UPF2: variants seen among roughly 807,000 people sequenced by gnomAD.
The protein encoded by UPF2 is regulator of nonsense transcripts 2.
UPF2 carries 17 observed loss-of-function variants against 141.4 expected under a neutral mutation model. The observed-to-expected ratio is 0.12, with a 90% CI of 0.08 to 0.18. The LOEUF (loss-of-function observed/expected upper bound fraction) is 0.18. Ranked by LOEUF, UPF2 falls within the 10% of genes least tolerant of loss-of-function variation. The pLI is 1.00. For missense variants in UPF2, 1,152 were observed against 1,515.9 expected (o/e 0.76, Z 3.99); for synonymous variants, 540 against 498.0 (o/e 1.08, Z -1.12).
chr10:11,958,541 C>T (rs1833190855), intron 12 of UPF2, among the ~76,000 whole-genome samples: 1 of 152,206 alleles, frequency 6.6e-6, no homozygotes, highest in Non-Finnish European at 1.5e-5. Context: ...CAACATCATT[C>T]CTTATCACCT....
rs535283138 is a variant in UPF2, at chr10:11,921,579, T to C, written c.3810-272A>G. Among the ~76,000 whole-genome samples the C allele has an allele frequency of 7.2e-4, 109 of 152,366 alleles. No individual in the cohort carries two copies. The highest frequency in any genetic ancestry group is 2.3e-3 in the African/African-American group (94 of 41,588). ...TTAGGTATTACAAGTAATGTAGAGA[T>C]GATGTAAAGTACACGGGAGGATGTG... On this transcript the variant is annotated intron_variant, in intron 21 of 21. Transcript: ENST00000357604. The surrounding 1 kb of genome is among the most constrained non-coding windows in gnomAD (Gnocchi z 5.9).
chr10:12,001,619 A>C, intron 6 of UPF2, 57 bp downstream of exon 6: 6 of 1,453,570 alleles, frequency 4.1e-6, no homozygotes, highest in Non-Finnish European at 4.6e-6. Context: ...ATTCTTAGGC[A>C]AGAGCTCTGT....
Position 12,016,740 on chromosome 10 carries a change from G to C in UPF2, c.1146-2556C>G, listed in dbSNP as rs1484327743. ...GTTACTTAAAAATATCTGCAATGTAGGGCCGGGCACGGTGGTTCACGCCTA... is the reference window on the plus strand; with the variant it reads ...GTTACTTAAAAATATCTGCAATGTACGGCCGGGCACGGTGGTTCACGCCTA... On this transcript the variant is annotated intron_variant, in intron 3 of 21. Coordinates refer to ENST00000357604, the MANE Select transcript of UPF2 (RefSeq NM_015542.4). The surrounding 1 kb of genome is among the most constrained non-coding windows in gnomAD (Gnocchi z 4.1). Among the ~76,000 whole-genome samples the C allele has an allele frequency of 6.8e-6, 1 of 147,596 alleles. No homozygotes were observed. Among genetic ancestry groups the C allele is most frequent in the African/African-American group, 2.5e-5 (1 of 40,034 alleles).
intron 9 of UPF2, among the ~76,000 whole-genome samples, chr10:11,973,886 A>G (rs987308814): frequency 5.0e-4 from 76 of 152,156 alleles, no homozygotes; most frequent in African/African-American, 1.7e-3. Context: ...TTGGTTCCCT[A>G]TGAACTTTCA....
intron 9 of UPF2, among the ~76,000 whole-genome samples, chr10:11,970,868 G>C (rs754867027): frequency 2.0e-5 from 3 of 151,598 alleles, no homozygotes; most frequent in Non-Finnish European, 4.4e-5. Flanking sequence ...TAAGTCTTTA[G>C]GGTCAGTAGG....
chr10:11,921,269 G>A lies in UPF2; in HGVS notation c.*29C>T. 1 of 1,614,014 alleles carries A rather than the reference G, an allele frequency of 6.2e-7. No homozygotes were observed. ...CCACTAACCACAACATCAGATACAG[G>A]ACCTAATGAAATGACACGTGCTGCT... On this transcript the variant is annotated 3_prime_UTR_variant, in exon 22 of 22. Transcript: ENST00000357604. This position sits in a 1 kb window ranked among gnomAD's most constrained non-coding sequence, Gnocchi z 5.9.
chr10:11,992,501 C>T lies in UPF2; in HGVS notation c.1844+5171G>A, dbSNP rs949029711. 7.9e-5 allele frequency among the ~76,000 whole-genome samples: 12 copies of T among 152,074 alleles called. No individual in the cohort carries two copies. The highest frequency in any genetic ancestry group is 7.2e-4 in the Admixed American group (11 of 15,258). ...CAGAGACTGTCTAAATAAATAATCG[C>T]TAAGCAAACTTACAATCATAAAGTA... On this transcript the variant is annotated intron_variant, in intron 8 of 21. Transcript: ENST00000357604. The surrounding 1 kb of genome is among the most constrained non-coding windows in gnomAD (Gnocchi z 4.1).
intron 9 of UPF2, among the ~76,000 whole-genome samples, chr10:11,975,885 AT>A (rs1431180156): frequency 6.6e-6 from 1 of 152,188 alleles, no homozygotes; most frequent in Non-Finnish European, 1.5e-5. Context: ...TTAGATGACC[AT>A]TTTATTAATC....
rs911485556 is a variant in UPF2, at chr10:12,001,790, T to C, written c.1540A>G (p.Ser514Gly). ...AACTCAAGTTCCAAATCATCGGGAC[T>C]TGATACCTCCTTATTCTCCTTAGAT... ...KESKENKEVSSPDDLELELEN... is the reference protein window; with the variant it reads ...KESKENKEVSGPDDLELELEN... The change falls in exon 6 of 22, where the codon AGT becomes GGT. Residue 514 changes from serine (S) to glycine (G), a missense_variant. Transcript: ENST00000357604. 4 of 1,611,818 alleles carry C rather than the reference T, an allele frequency of 2.5e-6. No individual in the cohort carries two copies. Among genetic ancestry groups the C allele is most frequent in the Non-Finnish European group, 2.5e-6 (3 of 1,179,172 alleles).
chr10:12,030,797 T>C (rs887651632), intron 2 of UPF2, among the ~76,000 whole-genome samples: 6 of 151,338 alleles, frequency 4.0e-5, no homozygotes, highest in African/African-American at 1.5e-4. Context: ...GGCAGCAGAA[T>C]TGCTTGAACC....
Position 11,955,297 on chromosome 10 carries a change from A to G in UPF2, c.2785T>C (p.Cys929Arg), listed in dbSNP as rs1404248577. The change falls in exon 14 of 22, where the codon TGT (cysteine) becomes CGT (arginine). Residue 929 changes from cysteine (C) to arginine (R), a missense_variant. Physicochemically the swap from Cys to Arg is radical, Grantham distance 180. Coordinates refer to ENST00000357604, the MANE Select transcript of UPF2 (RefSeq NM_015542.4). Reference protein sequence around the residue: ...IRLVCTILDTCGQYFDRGSSK... With the variant: ...IRLVCTILDTRGQYFDRGSSK... ...GAACCTCTGTCAAAGTACTGGCCAC[A>G]TGTGTCCAGAATAGTGCATACGAGT... 1 of 1,613,758 alleles carries G rather than the reference A, an allele frequency of 6.2e-7. No individual in the cohort carries two copies. Among genetic ancestry groups the G allele is most frequent in the Non-Finnish European group, 8.5e-7 (1 of 1,179,832 alleles).
rs141885064 is a variant in UPF2, at chr10:11,922,776, TA to T, written c.3810-1470del. ...TAATTTAACCTTACATAAAGATATA[TA>T]AAAAAAAAATCTGATGAAAAAATGC... On this transcript the variant is annotated intron_variant, in intron 21 of 21. Coordinates refer to ENST00000357604, the MANE Select transcript of UPF2 (RefSeq NM_015542.4). Among the ~76,000 whole-genome samples the T allele has an allele frequency of 1.2e-3, 174 of 149,498 alleles. 1 individual carries two copies. Among genetic ancestry groups the T allele is most frequent in the African/African-American group, 3.5e-3 (141 of 40,820 alleles).
chr10:12,033,510 C>T (rs1250702948), intron 2 of UPF2, among the ~76,000 whole-genome samples: 1 of 152,082 alleles, frequency 6.6e-6, no homozygotes, highest in Non-Finnish European at 1.5e-5. Flanking sequence ...TCCAGCCTGG[C>T]TGGAGTTTGT....
intron 9 of UPF2, among the ~76,000 whole-genome samples, chr10:11,973,359 C>A (rs569960880): frequency 1.5e-3 from 228 of 152,280 alleles, no homozygotes; most frequent in African/African-American, 5.2e-3. Flanking sequence ...ATGGTAGTTT[C>A]TTTTGCTGTG....
At chr10:12,030,917 G>A (rs1256763792) in intron 2 of UPF2, among the ~76,000 whole-genome samples, 4 of 150,990 alleles carry the variant, frequency 2.6e-5, no homozygotes, top group African/African-American at 9.7e-5. Flanking sequence ...GCTCATGCCT[G>A]TAATCCCAGC....
At chr10:12,018,195 C>A (rs1834257814) in intron 3 of UPF2, among the ~76,000 whole-genome samples, 1 of 152,172 alleles carries the variant, frequency 6.6e-6, no homozygotes, top group African/African-American at 2.4e-5. Flanking sequence ...CGCCTGTAAT[C>A]CTAGCACTTT....
intron 4 of UPF2, among the ~76,000 whole-genome samples, chr10:12,010,009 T>G (rs1007773762): frequency 6.6e-6 from 1 of 152,298 alleles, no homozygotes; most frequent in East Asian, 1.9e-4. Context: ...CAAGGCTGAC[T>G]GGAAGAATCT....
intron 8 of UPF2, among the ~76,000 whole-genome samples, chr10:11,984,811 C>T (rs1053508901): frequency 1.3e-5 from 2 of 152,070 alleles, no homozygotes; most frequent in Non-Finnish European, 2.9e-5. Context: ...CTCCCAGGTT[C>T]GAGTGATTCT....
intron 2 of UPF2, 73 bp downstream of exon 2, chr10:12,034,986 A>C: frequency 1.3e-6 from 2 of 1,504,448 alleles, no homozygotes; most frequent in Non-Finnish European, 8.8e-7. Context: ...CTATATTTCA[A>C]ATAATGTTTT....
Sources: allele counts gnomAD v4.1 joint callset (sites outside exome capture counted in the v4.1 genomes callset), GRCh38; gene constraint gnomAD v4.1.1; non-coding constraint Gnocchi (gnomAD v3.1); transcripts MANE v1.5; gene names NCBI Gene and HGNC (gene_info 2026-07-23, HGNC 2026-07-21).